Variants in ARHGAP39 observed in about 807,000 individuals in gnomAD.
ARHGAP39 encodes Rho GTPase activating protein 39.
ARHGAP39 carries 44 observed loss-of-function variants against 106.9 expected under a neutral mutation model. That is an observed-to-expected ratio of 0.41 (90% CI 0.32 to 0.53). The LOEUF is 0.53. ARHGAP39 is among the 20% of genes least tolerant of loss of function. The probability of loss-of-function intolerance (pLI) is 0.21; values close to 1 mark genes in which losing one functional copy is unlikely to be tolerated. For missense variants in ARHGAP39, 1,496 were observed against 1,577.3 expected (o/e 0.95, Z 0.87); for synonymous variants, 768 against 693.2 (o/e 1.11, Z -1.69).
chr8:144,641,676 G>A lies in ARHGAP39; in HGVS notation c.-81-35981C>T, dbSNP rs772926244. Among the ~76,000 whole-genome samples the A allele has an allele frequency of 1.3e-5, 2 of 152,232 alleles. No homozygotes were observed. The highest frequency in any genetic ancestry group is 2.9e-5 in the Non-Finnish European group (2 of 68,040). On this transcript the variant is annotated intron_variant, in intron 1 of 11. Coordinates refer to ENST00000377307, the MANE Select transcript of ARHGAP39 (RefSeq NM_025251.3). The surrounding 1 kb of genome is among the most constrained non-coding windows in gnomAD (Gnocchi z 5.2). ...CTGAGACGAGGATGTGGCTTCATGGGCTCTATTTAGGAGGGGAGCTCGGGA... is the reference window on the plus strand; with the variant it reads ...CTGAGACGAGGATGTGGCTTCATGGACTCTATTTAGGAGGGGAGCTCGGGA...
At chr8:144,639,680 T>C (rs1821262339) in intron 1 of ARHGAP39, among the ~76,000 whole-genome samples, 1 of 151,144 alleles carries the variant, frequency 6.6e-6, no homozygotes, top group African/African-American at 2.4e-5. Context: ...AATCCTCAAG[T>C]TGCATTTCAG....
rs1361584663 is a variant in ARHGAP39, at chr8:144,548,918, G to A, written c.597-429C>T. Among the ~76,000 whole-genome samples the A allele has an allele frequency of 6.6e-6, 1 of 152,176 alleles. No individual in the cohort carries two copies. The highest frequency in any genetic ancestry group is 2.4e-5 in the African/African-American group (1 of 41,448). Reference sequence around the variant, plus strand: ...TCCAGGTGAGCCCAGCAGGAGGAAGGCACACCACCAGAATCCCACGGCCCC... The same window carrying A: ...TCCAGGTGAGCCCAGCAGGAGGAAGACACACCACCAGAATCCCACGGCCCC... On this transcript the variant is annotated intron_variant, in intron 4 of 11. Transcript: ENST00000377307. The surrounding 1 kb of genome is among the most constrained non-coding windows in gnomAD (Gnocchi z 7.4).
At chr8:144,669,740 G>C (rs969910345) in intron 1 of ARHGAP39, among the ~76,000 whole-genome samples, 1 of 152,056 alleles carries the variant, frequency 6.6e-6, no homozygotes, top group Non-Finnish European at 1.5e-5. Flanking sequence ...AAAGATGATG[G>C]ACAAATGGTC....
chr8:144,624,277 C>A (rs962929728), intron 1 of ARHGAP39, among the ~76,000 whole-genome samples: 47 of 152,330 alleles, frequency 3.1e-4, no homozygotes, highest in Admixed American at 8.5e-4. Flanking sequence ...GTATAGGATA[C>A]ACTTTTGGGC....
intron 1 of ARHGAP39, among the ~76,000 whole-genome samples, chr8:144,677,262 T>A (rs1004187493): frequency 6.6e-6 from 1 of 152,256 alleles, no homozygotes; most frequent in African/African-American, 2.4e-5. Context: ...CGTGTATATT[T>A]CCAGTCACTC....
rs1457926764 is a variant in ARHGAP39, at chr8:144,671,659, A to T, written c.-82+14027T>A. On this transcript the variant is annotated intron_variant, in intron 1 of 11. Coordinates refer to ENST00000377307, the MANE Select transcript of ARHGAP39 (RefSeq NM_025251.3). This position sits in a 1 kb window ranked among gnomAD's most constrained non-coding sequence, Gnocchi z 4.5. Reference sequence around the variant, plus strand: ...TGCTGATACTCCTCCTTTCCAGACAAGACACCCCTTCTCCAGAAAGCCTAC... The same window carrying T: ...TGCTGATACTCCTCCTTTCCAGACATGACACCCCTTCTCCAGAAAGCCTAC... Among the ~76,000 whole-genome samples the T allele has an allele frequency of 1.3e-5, 2 of 152,148 alleles. No individual in the cohort carries two copies. Among genetic ancestry groups the T allele is most frequent in the Non-Finnish European group, 2.9e-5 (2 of 68,024 alleles).
chr8:144,690,798 C>G (rs1026785109), upstream of ARHGAP39, among the ~76,000 whole-genome samples: 5 of 151,580 alleles, frequency 3.3e-5, no homozygotes, highest in Admixed American at 1.3e-4. Context: ...GCACACACCA[C>G]CACACCCAGC....
chr8:144,660,476 G>C (rs1202776011), intron 1 of ARHGAP39, among the ~76,000 whole-genome samples: 1 of 152,148 alleles, frequency 6.6e-6, no homozygotes, highest in Non-Finnish European at 1.5e-5. Flanking sequence ...CCTTGGAACT[G>C]CACTGTGCAA....
At chr8:144,675,302 G>A (rs1187164469) in intron 1 of ARHGAP39, among the ~76,000 whole-genome samples, 3 of 152,100 alleles carry the variant, frequency 2.0e-5, no homozygotes, top group Admixed American at 6.5e-5. Flanking sequence ...GCATGATCTC[G>A]GCTAACTGCA....
intron 3 of ARHGAP39, among the ~76,000 whole-genome samples, chr8:144,562,047 C>T (rs1018938455): frequency 2.1e-5 from 3 of 144,522 alleles, no homozygotes; most frequent in African/African-American, 5.4e-5. Context: ...ATCGGACTTA[C>T]TCCAGTGGTT....
chr8:144,589,084 A>G (rs994041217), intron 2 of ARHGAP39, among the ~76,000 whole-genome samples: 1 of 152,158 alleles, frequency 6.6e-6, no homozygotes, highest in Admixed American at 6.5e-5. Context: ...AATTCCCGGC[A>G]GGGGCTCATC....
At chr8:144,610,994 T>C (rs2130955012) in intron 1 of ARHGAP39, among the ~76,000 whole-genome samples, 1 of 152,134 alleles carries the variant, frequency 6.6e-6, no homozygotes, top group East Asian at 2.0e-4. Context: ...TTTTTTTGTA[T>C]TTTTAGTAGA....
At chr8:144,662,895 C>G (rs1398280739) in intron 1 of ARHGAP39, among the ~76,000 whole-genome samples, 2 of 150,764 alleles carry the variant, frequency 1.3e-5, no homozygotes, top group African/African-American at 4.9e-5. Context: ...CATTATCCAC[C>G]TCGGGCCTAT....
chr8:144,602,496 G>A (rs1401958735), intron 2 of ARHGAP39, among the ~76,000 whole-genome samples: 4 of 130,694 alleles, frequency 3.1e-5, no homozygotes, highest in Admixed American at 1.7e-4. Flanking sequence ...GCGAGCTCAT[G>A]TATCTGTGTA....
chr8:144,641,429 C>T lies in ARHGAP39; in HGVS notation c.-81-35734G>A, dbSNP rs778808322. On this transcript the variant is annotated intron_variant, in intron 1 of 11. Transcript: ENST00000377307. This position sits in a 1 kb window ranked among gnomAD's most constrained non-coding sequence, Gnocchi z 5.2. ...GGTAAAGCGAAGCTGACCACCAAGA[C>T]CCCACCATGCTCACATCGAGGAGGA... is the stretch of plus-strand genomic sequence containing the variant. 7.2e-5 allele frequency among the ~76,000 whole-genome samples: 11 copies of T among 152,278 alleles called. No individual in the cohort carries two copies. In the East Asian group the frequency reaches 1.9e-3, roughly 27 times the overall value.
At chr8:144,605,482 G>C in intron 2 of ARHGAP39, 53 bp downstream of exon 2, 1 of 1,569,704 alleles carries the variant, frequency 6.4e-7, no homozygotes, top group Non-Finnish European at 8.8e-7. Context: ...GAAGAAAGCA[G>C]TTCCACCCAC....
At chr8:144,691,856 G>A in the ARHGAP39 span, among the ~76,000 whole-genome samples, 11 of 151,986 alleles carry the variant, frequency 7.2e-5, no homozygotes, top group Non-Finnish European at 1.3e-4. Flanking sequence ...GCCATTAAGC[G>A]GCGGGGTGGC....
At chr8:144,563,052 G>C (rs893705845) in intron 3 of ARHGAP39, among the ~76,000 whole-genome samples, 1 of 152,210 alleles carries the variant, frequency 6.6e-6, no homozygotes, top group African/African-American at 2.4e-5. Context: ...AATAAGTTGT[G>C]AAAATACTAA....
intron 7 of ARHGAP39, among the ~76,000 whole-genome samples, chr8:144,534,882 C>T (rs1314653351): frequency 6.6e-6 from 1 of 151,916 alleles, no homozygotes; most frequent in South Asian, 2.1e-4. Context: ...GGGACCTCAG[C>T]CTGGGGAGTC....
Sources: allele counts gnomAD v4.1 joint callset (sites outside exome capture counted in the v4.1 genomes callset), GRCh38; gene constraint gnomAD v4.1.1; non-coding constraint Gnocchi (gnomAD v3.1); transcripts MANE v1.5; gene names NCBI Gene and HGNC (gene_info 2026-07-23, HGNC 2026-07-21).